GNAQ: variants seen among roughly 807,000 people sequenced by gnomAD.
GNAQ encodes the protein guanine nucleotide-binding protein G(q) subunit alpha.
GNAQ carries 8 observed loss-of-function variants against 43.9 expected under a neutral mutation model. The ratio of observed to expected loss-of-function variants is 0.18; its 90% CI spans 0.11 to 0.33. GNAQ has a LOEUF of 0.33. GNAQ is among the 10% of genes least tolerant of loss of function. GNAQ has a pLI of 1.00. For synonymous variants in GNAQ, 155 were observed against 170.7 expected (o/e 0.91, Z 0.71); for missense variants, 158 against 450.8 (o/e 0.35, Z 5.88).
At chr9:77,965,463 T>A (rs1480385436) in intron 1 of GNAQ, among the ~76,000 whole-genome samples, 1 of 152,018 alleles carries the variant, frequency 6.6e-6, no homozygotes, top group Non-Finnish European at 1.5e-5. Context: ...TTGCAAAGCA[T>A]ACATACAGAC....
intron 2 of GNAQ, among the ~76,000 whole-genome samples, chr9:77,920,577 A>G (rs1328934790): frequency 6.6e-6 from 1 of 152,206 alleles, no homozygotes; most frequent in Non-Finnish European, 1.5e-5. Flanking sequence ...GAAACCACTG[A>G]GATTTCTTGG....
chr9:77,944,099 G>A (rs1243002336), intron 1 of GNAQ, among the ~76,000 whole-genome samples: 5 of 151,824 alleles, frequency 3.3e-5, no homozygotes, highest in Admixed American at 1.3e-4. Flanking sequence ...CAGTATGAAC[G>A]AATGATACCT....
intron 5 of GNAQ, among the ~76,000 whole-genome samples, chr9:77,770,508 C>T (rs1480671546): frequency 3.3e-5 from 5 of 152,174 alleles, no homozygotes; most frequent in African/African-American, 4.8e-5. Flanking sequence ...AGGCCTTTGT[C>T]GGAAAAGATC....
chr9:77,921,527 G>A (rs1468442611), intron 2 of GNAQ, among the ~76,000 whole-genome samples: 1 of 152,206 alleles, frequency 6.6e-6, no homozygotes, highest in Non-Finnish European at 1.5e-5. Context: ...GAGGATACTG[G>A]AAGTGTGCTT....
chr9:77,973,125 T>A (rs1460816994), intron 1 of GNAQ, among the ~76,000 whole-genome samples: 1 of 152,138 alleles, frequency 6.6e-6, no homozygotes, highest in African/African-American at 2.4e-5. Flanking sequence ...GGGGTTTTTT[T>A]AGAGGTTAAC....
intron 2 of GNAQ, among the ~76,000 whole-genome samples, chr9:77,829,095 T>G (rs1351421120): frequency 6.6e-6 from 1 of 152,088 alleles, no homozygotes; most frequent in African/African-American, 2.4e-5. Context: ...TCATGGAACT[T>G]GGGGAAGCAG....
chr9:78,026,362 T>C (rs1823980268), intron 1 of GNAQ, among the ~76,000 whole-genome samples: 2 of 152,210 alleles, frequency 1.3e-5, no homozygotes, highest in African/African-American at 2.4e-5. Flanking sequence ...TTGATTTTTA[T>C]GAGGGATGTT....
intron 1 of GNAQ, among the ~76,000 whole-genome samples, chr9:77,960,308 G>C (rs967615972): frequency 6.6e-5 from 10 of 152,198 alleles, no homozygotes; most frequent in African/African-American, 2.4e-4. Flanking sequence ...TCAGGAGGCA[G>C]AGGGAGTGAG....
intron 2 of GNAQ, among the ~76,000 whole-genome samples, chr9:77,851,449 T>C (rs1287645754): frequency 6.6e-6 from 1 of 152,240 alleles, no homozygotes; most frequent in Non-Finnish European, 1.5e-5. Flanking sequence ...CTGTGGCTCC[T>C]GAGAAAGTAG....
chr9:77,815,780 TA>T lies in GNAQ; in HGVS notation c.322-11del, dbSNP rs760319347. Reference sequence around the variant, plus strand: ...CTAATTGTGCATGAGCCTGTTTAAATAAAAAAAGGCAGTTTTAATACCCTAT... The same window carrying T: ...CTAATTGTGCATGAGCCTGTTTAAATAAAAAAGGCAGTTTTAATACCCTAT... On this transcript the variant is annotated splice_polypyrimidine_tract_variant and intron_variant, in intron 2 of 6. Coordinates refer to ENST00000286548, the MANE Select transcript of GNAQ (RefSeq NM_002072.5). 8 of 1,601,814 alleles carry T rather than the reference TA, an allele frequency of 5.0e-6. No homozygotes were observed. The highest frequency in any genetic ancestry group is 6.8e-6 in the Non-Finnish European group (8 of 1,174,278).
At chr9:77,809,906 T>C (rs1826890874) in intron 3 of GNAQ, among the ~76,000 whole-genome samples, 1 of 152,122 alleles carries the variant, frequency 6.6e-6, no homozygotes, top group South Asian at 2.1e-4. Context: ...AGAAATAACA[T>C]TCCTGAATTA....
At chr9:78,001,389 C>T (rs1193442544) in intron 1 of GNAQ, among the ~76,000 whole-genome samples, 1 of 151,504 alleles carries the variant, frequency 6.6e-6, no homozygotes, top group Non-Finnish European at 1.5e-5. Flanking sequence ...GGTGACAGAG[C>T]GACACTCCAT....
At chr9:77,970,100 T>C (rs2118455183) in intron 1 of GNAQ, among the ~76,000 whole-genome samples, 1 of 152,084 alleles carries the variant, frequency 6.6e-6, no homozygotes, top group South Asian at 2.1e-4. Flanking sequence ...ACGCCTGTAA[T>C]CCCAGCTACT....
chr9:77,718,507 A>G lies in GNAQ; in HGVS notation c.*2816T>C. ...AGGAACAGCGAAGCCACAAACCTCAATTCTGCATAGCAAATTCCATCCCAA... is the reference window on the plus strand; with the variant it reads ...AGGAACAGCGAAGCCACAAACCTCAGTTCTGCATAGCAAATTCCATCCCAA... On this transcript the variant is annotated 3_prime_UTR_variant, in exon 7 of 7. Transcript: ENST00000286548. The G allele has an allele frequency of 4.3e-6, 1 of 232,622 alleles. No individual in the cohort carries two copies. Among genetic ancestry groups the G allele is most frequent in the Non-Finnish European group, 8.5e-6 (1 of 117,660 alleles). The allele number at this position is 232,622 out of a possible 1,614,324, so 14.4% of individuals were successfully genotyped here.
intron 5 of GNAQ, among the ~76,000 whole-genome samples, chr9:77,783,545 C>G (rs1826430154): frequency 6.6e-6 from 1 of 152,100 alleles, no homozygotes; most frequent in Admixed American, 6.6e-5. Flanking sequence ...ACGTTGGTCC[C>G]AACCTCTTCA....
rs557943366 is a variant in GNAQ at position 77,717,760 on chromosome 9, T to C, written c.*3563A>G. 4.3e-6 allele frequency: 1 copy of C among 232,650 alleles called. No individual in the cohort carries two copies. Among genetic ancestry groups the C allele is most frequent in the Non-Finnish European group, 8.5e-6 (1 of 117,708 alleles). 14.4% of individuals were successfully genotyped at this position (232,650 alleles called of 1,614,324 possible). A position where few individuals can be genotyped will look rare whatever the true frequency, so the allele number is the denominator to read the frequency against. ...AAAAAAAAAATACAAGTTTTACGTGTTCTTCAGATTCCTTTTGTAGTTGTC... is the reference window on the plus strand; with the variant it reads ...AAAAAAAAAATACAAGTTTTACGTGCTCTTCAGATTCCTTTTGTAGTTGTC... On this transcript the variant is annotated 3_prime_UTR_variant, in exon 7 of 7. Transcript: ENST00000286548.
At chr9:77,731,584 G>A (rs938776206) in intron 5 of GNAQ, among the ~76,000 whole-genome samples, 1 of 152,226 alleles carries the variant, frequency 6.6e-6, no homozygotes, top group Non-Finnish European at 1.5e-5. Context: ...TTGAATCTCT[G>A]AGGGGACACT....
At chr9:77,894,210 G>T (rs926157632) in intron 2 of GNAQ, among the ~76,000 whole-genome samples, 13 of 143,326 alleles carry the variant, frequency 9.1e-5, no homozygotes, top group Admixed American at 1.5e-4. Flanking sequence ...ATAGATAAGG[G>T]TATTACAGTA....
intron 5 of GNAQ, among the ~76,000 whole-genome samples, chr9:77,782,475 AATCCCAAAC>A (rs1482369564): frequency 6.6e-6 from 1 of 152,180 alleles, no homozygotes; most frequent in Non-Finnish European, 1.5e-5. Context: ...GAATGGCCAA[AATCCCAAAC>A]ACTGACCACA....
Sources: gnomAD v4.1 joint callset for allele counts (sites outside exome capture counted in the v4.1 genomes callset) on GRCh38, gnomAD v4.1.1 for gene constraint, MANE v1.5 for transcripts, NCBI Gene and HGNC (gene_info 2026-07-23, HGNC 2026-07-21) for gene names.